Variants in NEGR1 observed in about 807,000 individuals in gnomAD.
The protein encoded by NEGR1 is neuronal growth regulator 1, also known as IgLON family member 4.
A neutral mutation model predicts 40.9 loss-of-function variants in NEGR1; 10 were observed. The observed-to-expected ratio is 0.24, with a 90% CI of 0.15 to 0.42. The LOEUF is 0.42. NEGR1 is among the 10% of genes least tolerant of loss of function. The pLI is 1.00. For synonymous variants in NEGR1, 185 were observed against 166.8 expected (o/e 1.11, Z -0.84); for missense variants, 352 against 438.9 (o/e 0.80, Z 1.77).
chr1:71,982,806 C>A (rs1457376786), intron 1 of NEGR1, among the ~76,000 whole-genome samples: 1 of 151,988 alleles, frequency 6.6e-6, no homozygotes, highest in Non-Finnish European at 1.5e-5. Flanking sequence ...TCAACAAGTA[C>A]AAATGAAATA....
At chr1:71,570,785 G>T (rs1051016371) in intron 6 of NEGR1, among the ~76,000 whole-genome samples, 26 of 152,092 alleles carry the variant, frequency 1.7e-4, no homozygotes, top group African/African-American at 6.3e-4. Flanking sequence ...GTTTATAGGA[G>T]AAAATTAACA....
rs960708154 is a variant in NEGR1, at chr1:71,830,324, G to T, written c.410-54027C>A. ...TGAAAAAGTGTTTTCTATAAAAGGGGCTAATAGTAAATATTTTCAGCTTTG... is the reference window on the plus strand; with the variant it reads ...TGAAAAAGTGTTTTCTATAAAAGGGTCTAATAGTAAATATTTTCAGCTTTG... On this transcript the variant is annotated intron_variant, in intron 2 of 6. Coordinates refer to ENST00000357731, the MANE Select transcript of NEGR1 (RefSeq NM_173808.3). 2.0e-5 allele frequency among the ~76,000 whole-genome samples: 3 copies of T among 151,790 alleles called. No individual in the cohort carries two copies. In the South Asian group the frequency reaches 6.2e-4, roughly 31 times the overall value.
intron 6 of NEGR1, among the ~76,000 whole-genome samples, chr1:71,446,608 A>G (rs1263962415): frequency 1.3e-5 from 2 of 152,216 alleles, no homozygotes; most frequent in Non-Finnish European, 2.9e-5. Flanking sequence ...ATTAAAGTTG[A>G]CAATATTAGA....
intron 6 of NEGR1, among the ~76,000 whole-genome samples, chr1:71,475,105 T>A (rs1162457409): frequency 1.3e-5 from 2 of 151,996 alleles, no homozygotes; most frequent in African/African-American, 4.8e-5. Context: ...GAGACTAGGA[T>A]AATGGGGACT....
intron 4 of NEGR1, among the ~76,000 whole-genome samples, chr1:71,659,383 A>G (rs1000429217): frequency 1.3e-5 from 2 of 152,188 alleles, no homozygotes. Context: ...ACTCTGGAAG[A>G]CAACCTAGGC....
chr1:71,806,126 A>T (rs1194007582), intron 2 of NEGR1, among the ~76,000 whole-genome samples: 1 of 152,018 alleles, frequency 6.6e-6, no homozygotes, highest in East Asian at 1.9e-4. Context: ...AATAAACAAA[A>T]CCTTTGCTTT....
intron 1 of NEGR1, among the ~76,000 whole-genome samples, chr1:71,984,419 C>G (rs982096488): frequency 4.6e-5 from 7 of 152,026 alleles, no homozygotes; most frequent in Non-Finnish European, 1.0e-4. Context: ...ACCACTGTGC[C>G]CGGCCTTGAA....
At chr1:71,631,496 C>A (rs1650966880) in intron 4 of NEGR1, among the ~76,000 whole-genome samples, 1 of 151,700 alleles carries the variant, frequency 6.6e-6, no homozygotes, top group South Asian at 2.1e-4. Flanking sequence ...AATGCATTTC[C>A]AAAAGTCTTA....
chr1:71,656,566 C>A (rs1312233588), intron 4 of NEGR1, among the ~76,000 whole-genome samples: 1 of 152,160 alleles, frequency 6.6e-6, no homozygotes, highest in African/African-American at 2.4e-5. Context: ...GCGCCCGCCA[C>A]CGTGCCCGTC....
intron 5 of NEGR1, among the ~76,000 whole-genome samples, chr1:71,598,786 C>T (rs1180992165): frequency 2.0e-5 from 3 of 152,198 alleles, no homozygotes; most frequent in Non-Finnish European, 2.9e-5. Context: ...TTCCAGTTAT[C>T]GTGATGGTAT....
chr1:72,103,865 G>A (rs1171674309), intron 1 of NEGR1, among the ~76,000 whole-genome samples: 1 of 151,994 alleles, frequency 6.6e-6, no homozygotes, highest in Non-Finnish European at 1.5e-5. Flanking sequence ...CACTGTCTCT[G>A]GATCGAGTAG....
intron 2 of NEGR1, among the ~76,000 whole-genome samples, chr1:71,804,334 T>G (rs1260095875): frequency 6.6e-6 from 1 of 152,180 alleles, no homozygotes; most frequent in African/African-American, 2.4e-5. Context: ...ATGTCATGCA[T>G]GCAGTGCAGT....
intron 6 of NEGR1, among the ~76,000 whole-genome samples, chr1:71,512,379 A>G (rs1448126350): frequency 6.6e-6 from 1 of 152,190 alleles, no homozygotes; most frequent in Admixed American, 6.5e-5. Flanking sequence ...CTCAAGGAAA[A>G]AGAATCTGTA....
At chr1:71,782,809 C>G (rs1306922062) in intron 2 of NEGR1, among the ~76,000 whole-genome samples, 1 of 152,106 alleles carries the variant, frequency 6.6e-6, no homozygotes, top group East Asian at 1.9e-4. Flanking sequence ...CATGGATTCT[C>G]TGAGTTTAGG....
intron 1 of NEGR1, among the ~76,000 whole-genome samples, chr1:71,968,855 T>C (rs1409022760): frequency 6.6e-6 from 1 of 152,178 alleles, no homozygotes; most frequent in African/African-American, 2.4e-5. Flanking sequence ...GCTTTTCTCA[T>C]GGAAAACCAG....
At chr1:71,971,312 C>T (rs1424559372) in intron 1 of NEGR1, among the ~76,000 whole-genome samples, 3 of 151,940 alleles carry the variant, frequency 2.0e-5, no homozygotes, top group Non-Finnish European at 2.9e-5. Context: ...TTTTTTTAAG[C>T]TGCCAGTTTA....
At chr1:71,811,667 A>G (rs1385791432) in intron 2 of NEGR1, among the ~76,000 whole-genome samples, 1 of 150,954 alleles carries the variant, frequency 6.6e-6, no homozygotes, top group Non-Finnish European at 1.5e-5. Flanking sequence ...TAAAGCAACT[A>G]GAATATAAGC....
chr1:71,524,346 G>GTGTA (rs1647192421), intron 6 of NEGR1, among the ~76,000 whole-genome samples: 1 of 151,050 alleles, frequency 6.6e-6, no homozygotes, highest in Non-Finnish European at 1.5e-5. Flanking sequence ...GTGTGTGTGT[G>GTGTA]TGTGTGTGTG....
chr1:71,575,521 T>C (rs140199984), intron 6 of NEGR1, among the ~76,000 whole-genome samples: 3,804 of 152,318 alleles, frequency 0.025, 63 homozygotes, highest in Non-Finnish European at 0.037. Flanking sequence ...CGGTGGCTCA[T>C]GCCTGTAATC....
Sources: gnomAD v4.1 joint callset for allele counts (sites outside exome capture counted in the v4.1 genomes callset) on GRCh38, gnomAD v4.1.1 for gene constraint, MANE v1.5 for transcripts, NCBI Gene and HGNC (gene_info 2026-07-23, HGNC 2026-07-21) for gene names.